STX18: variants seen among roughly 807,000 people sequenced by gnomAD.
STX18 encodes the protein syntaxin 18.
In STX18, 40 loss-of-function variants were observed where a neutral mutation model predicts 50.1. The observed-to-expected ratio is 0.80, with a 90% confidence interval of 0.62 to 1.04. STX18 has a LOEUF of 1.04. Ranked by LOEUF, STX18 falls within the 50% of genes least tolerant of loss-of-function variation. The probability of loss-of-function intolerance (pLI) is 0.00; values close to 1 mark genes in which losing one functional copy is unlikely to be tolerated. For synonymous variants in STX18, 158 were observed against 151.8 expected, an observed-to-expected ratio of 1.04 and a Z score of -0.30; for missense variants, 410 against 415.8, an observed-to-expected ratio of 0.99 and a Z score of 0.12.
chr4:4,439,583 ACACACACACCCC>A (rs1725997772), intron 5 of STX18, among the ~76,000 whole-genome samples: 1 of 132,820 alleles, frequency 7.5e-6, no homozygotes, highest in Admixed American at 7.4e-5. Context: ...ATATATATAC[ACACACACACCCC>A]CACACACATA....
chr4:4,536,631 G>C (rs1215226942), intron 1 of STX18, among the ~76,000 whole-genome samples: 1 of 152,190 alleles, frequency 6.6e-6, no homozygotes, highest in African/African-American at 2.4e-5. Context: ...AGAATAGCTG[G>C]AGTAGAGTGA....
intron 1 of STX18, among the ~76,000 whole-genome samples, chr4:4,491,902 C>G (rs1270399536): frequency 6.6e-6 from 1 of 152,050 alleles, no homozygotes; most frequent in Non-Finnish European, 1.5e-5. Flanking sequence ...AGTATCCTGA[C>G]AAGAGATTCT....
At chr4:4,541,591 G>C (rs752267982) in intron 1 of STX18, among the ~76,000 whole-genome samples, 1 of 151,942 alleles carries the variant, frequency 6.6e-6, no homozygotes, top group African/African-American at 2.4e-5. Flanking sequence ...GGAGAAATCT[G>C]TTCCCCAATA....
intron 7 of STX18, among the ~76,000 whole-genome samples, chr4:4,433,795 A>C (rs904634663): frequency 2.0e-5 from 3 of 152,202 alleles, no homozygotes; most frequent in African/African-American, 7.2e-5. Flanking sequence ...CAAACGCCTC[A>C]GTCTGAGAAG....
At chr4:4,535,635 G>T (rs982740765) in intron 1 of STX18, among the ~76,000 whole-genome samples, 18 of 152,158 alleles carry the variant, frequency 1.2e-4, no homozygotes, top group Non-Finnish European at 1.9e-4. Context: ...TACCAAAGCT[G>T]CTCCTTATTT....
intron 1 of STX18, among the ~76,000 whole-genome samples, chr4:4,523,450 A>G (rs1577400143): frequency 6.6e-6 from 1 of 152,258 alleles, no homozygotes; most frequent in East Asian, 1.9e-4. Context: ...GTACATTTCT[A>G]TATTTACAAC....
chr4:4,524,998 A>G (rs1163502606), intron 1 of STX18, among the ~76,000 whole-genome samples: 2 of 152,210 alleles, frequency 1.3e-5, no homozygotes. Context: ...GTACAACACA[A>G]AATAGAAGAA....
rs1729337715 is a variant in STX18 at position 4,499,501 on chromosome 4, T to C, written c.169-27795A>G. On this transcript the variant is annotated intron_variant, in intron 1 of 10. Coordinates refer to ENST00000306200, the MANE Select transcript of STX18 (RefSeq NM_016930.4). Reference sequence around the variant, plus strand: ...TCATATGCACAGATGCTTGCCCACGTTGTACTGCAAAGAAACAGCAAAATG... The same window carrying C: ...TCATATGCACAGATGCTTGCCCACGCTGTACTGCAAAGAAACAGCAAAATG... The C allele has an allele frequency of 3.0e-6, 3 of 985,434 alleles. 1 individual carries two copies. Among genetic ancestry groups the C allele is most frequent in the African/African-American group, 3.5e-5 (2 of 57,362 alleles). 61.0% of individuals were successfully genotyped at this position (985,434 alleles called of 1,614,324 possible). A position where few individuals can be genotyped will look rare whatever the true frequency, so the allele number is the denominator to read the frequency against.
chr4:4,532,390 C>A (rs7684544), intron 1 of STX18, among the ~76,000 whole-genome samples: 7,186 of 151,988 alleles, frequency 0.047, 594 homozygotes, highest in African/African-American at 0.16. Flanking sequence ...AAAATTATAT[C>A]ACCACTTTTA....
rs779300851 is a variant in STX18 at position 4,420,766 on chromosome 4, A to C, written c.912+98T>G. The C allele has an allele frequency of 2.6e-6, 3 of 1,144,492 alleles. No individual in the cohort carries two copies. The highest frequency in any genetic ancestry group is 3.9e-6 in the Non-Finnish European group (3 of 762,470). 70.9% of individuals were successfully genotyped at this position (1,144,492 alleles called of 1,614,324 possible). A position where few individuals can be genotyped will look rare whatever the true frequency, so the allele number is the denominator to read the frequency against. On this transcript the variant is annotated intron_variant, in intron 10 of 10. Transcript: ENST00000306200. This position sits in a 1 kb window ranked among gnomAD's most constrained non-coding sequence, Gnocchi z 4.3. ...GTGATCAGCCCCGTGAGCTCTGCCC[A>C]GCAAGGCTCCTGGGCAGCTGTGCCG...
chr4:4,522,639 A>G (rs1156861747), intron 1 of STX18, among the ~76,000 whole-genome samples: 1 of 152,222 alleles, frequency 6.6e-6, no homozygotes, highest in Non-Finnish European at 1.5e-5. Context: ...AATTCTGAGA[A>G]AGTAAATTTT....
intron 2 of STX18, among the ~76,000 whole-genome samples, chr4:4,466,738 C>T (rs1332784913): frequency 1.3e-5 from 2 of 152,146 alleles, no homozygotes; most frequent in African/African-American, 2.4e-5. Context: ...AATTGCCCAA[C>T]AGGTTCATCT....
chr4:4,500,738 A>G (rs1430963464), intron 1 of STX18, among the ~76,000 whole-genome samples: 1 of 152,242 alleles, frequency 6.6e-6, no homozygotes, highest in East Asian at 1.9e-4. Context: ...TTCATTGCTT[A>G]AATTTACCAT....
At chr4:4,443,964 G>C (rs1290813531) in intron 5 of STX18, among the ~76,000 whole-genome samples, 5 of 152,174 alleles carry the variant, frequency 3.3e-5, no homozygotes, top group Non-Finnish European at 7.3e-5. Context: ...TTGGCTCCTG[G>C]GAGATAACCT....
At chr4:4,427,888 A>G (rs1310438503) in intron 7 of STX18, among the ~76,000 whole-genome samples, 2 of 152,256 alleles carry the variant, frequency 1.3e-5, no homozygotes, top group African/African-American at 2.4e-5. Context: ...GAGGAAGAGA[A>G]GCAGGTGCCT....
chr4:4,476,068 AC>A (rs1253071317), intron 1 of STX18: 1 of 152,242 alleles, frequency 6.6e-6, no homozygotes, highest in Non-Finnish European at 1.5e-5. Context: ...TGTAAAATCT[AC>A]TAAGACTGGG....
chr4:4,485,666 C>T (rs1015504376), intron 1 of STX18, among the ~76,000 whole-genome samples: 5 of 152,200 alleles, frequency 3.3e-5, no homozygotes, highest in Non-Finnish European at 7.3e-5. Flanking sequence ...ACCCTCACCC[C>T]AGAGCTCACA....
rs1724890019 is a variant in STX18, at chr4:4,420,622, C to T, written c.912+242G>A. The T allele has an allele frequency of 2.3e-5, 12 of 528,428 alleles. No individual in the cohort carries two copies. In the South Asian group the frequency reaches 3.1e-4, roughly 13 times the overall value. The allele number at this position is 528,428 out of a possible 1,614,324, so 32.7% of individuals were successfully genotyped here. ...GGCCTGACCCTGCCAGGAGTACCCC[C>T]ACCCACCCTGGATTGCTCCTTTGGA... is the stretch of plus-strand genomic sequence containing the variant. On this transcript the variant is annotated intron_variant, in intron 10 of 10. Transcript: ENST00000306200. The surrounding 1 kb of genome is among the most constrained non-coding windows in gnomAD (Gnocchi z 4.3).
intron 5 of STX18, among the ~76,000 whole-genome samples, chr4:4,453,071 G>A (rs932995807): frequency 6.6e-6 from 1 of 152,146 alleles, no homozygotes; most frequent in Non-Finnish European, 1.5e-5. Flanking sequence ...CCAAGAAAGC[G>A]GTTTCTTGAG....
Sources: allele counts gnomAD v4.1 joint callset (sites outside exome capture counted in the v4.1 genomes callset), GRCh38; gene constraint gnomAD v4.1.1; non-coding constraint Gnocchi (gnomAD v3.1); transcripts MANE v1.5; gene names NCBI Gene and HGNC (gene_info 2026-07-23, HGNC 2026-07-21).